Variants in ADGRL3 observed in about 807,000 individuals in gnomAD.
The protein encoded by ADGRL3 is adhesion G protein-coupled receptor L3, also known as calcium-independent alpha-latrotoxin receptor 3.
ADGRL3 carries 62 observed loss-of-function variants against 153.5 expected under a neutral mutation model. The ratio of observed to expected loss-of-function variants is 0.40; its 90% CI spans 0.33 to 0.50. The LOEUF is 0.50. ADGRL3 is among the 20% of genes least tolerant of loss of function. ADGRL3 has a pLI of 0.47. For missense variants in ADGRL3, 1,641 were observed against 1,859.4 expected (o/e 0.88, Z 2.16); for synonymous variants, 710 against 672.5 (o/e 1.06, Z -0.86).
At chr4:61,589,860 G>C (rs1051700668) in intron 5 of ADGRL3, among the ~76,000 whole-genome samples, 2 of 152,056 alleles carry the variant, frequency 1.3e-5, no homozygotes, top group Non-Finnish European at 2.9e-5. Flanking sequence ...GAAAAATTTG[G>C]AAGTTGAATT....
At chr4:61,420,224 T>C (rs2097187936) in intron 2 of ADGRL3, 1 of 152,156 alleles carries the variant, frequency 6.6e-6, no homozygotes. Context: ...TGATATCTTT[T>C]ACATAGAGAG....
chr4:61,309,923 T>C (rs924859809), intron 1 of ADGRL3, among the ~76,000 whole-genome samples: 6 of 152,028 alleles, frequency 3.9e-5, no homozygotes, highest in Non-Finnish European at 5.9e-5. Context: ...CAAGCAACTT[T>C]ACATGTATAA....
At chr4:61,829,257 C>G (rs1326791939) in intron 9 of ADGRL3, among the ~76,000 whole-genome samples, 3 of 152,150 alleles carry the variant, frequency 2.0e-5, no homozygotes, top group African/African-American at 7.2e-5. Context: ...AATTTATGAT[C>G]AGTTGCCCTA....
chr4:62,000,498 C>T (rs2099136389), intron 21 of ADGRL3, among the ~76,000 whole-genome samples: 1 of 151,906 alleles, frequency 6.6e-6, no homozygotes, highest in African/African-American at 2.4e-5. Context: ...TTGGTAGCAT[C>T]AAGTTTTATA....
At chr4:61,698,831 A>G (rs780489583) in intron 6 of ADGRL3, among the ~76,000 whole-genome samples, 20 of 152,328 alleles carry the variant, frequency 1.3e-4, no homozygotes, top group Admixed American at 3.9e-4. Flanking sequence ...AATTATGTAA[A>G]TAGAAGACTA....
At chr4:61,480,774 C>A (rs1223672128) in intron 2 of ADGRL3, among the ~76,000 whole-genome samples, 2 of 151,352 alleles carry the variant, frequency 1.3e-5, no homozygotes, top group African/African-American at 4.9e-5. Flanking sequence ...CAGAGGGAGA[C>A]TCCTTCTCAA....
At chr4:61,918,169 G>A (rs887149492) in intron 13 of ADGRL3, among the ~76,000 whole-genome samples, 1 of 152,094 alleles carries the variant, frequency 6.6e-6, no homozygotes, top group Admixed American at 6.6e-5. Context: ...AATAAGATTT[G>A]CTAAGAGATT....
At chr4:61,698,454 A>AAACAAC (rs567818894) in intron 6 of ADGRL3, among the ~76,000 whole-genome samples, 2 of 151,770 alleles carry the variant, frequency 1.3e-5, no homozygotes, top group South Asian at 2.1e-4. Flanking sequence ...CATCTCAAAC[A>AAACAAC]AACAACAACA....
chr4:61,736,108 C>A lies in ADGRL3; in HGVS notation c.1399+2554C>A, dbSNP rs76332402. Among the ~76,000 whole-genome samples, 1,405 of 151,824 alleles carry A rather than the reference C, an allele frequency of 9.3e-3. 32 individuals are homozygous for A. Among genetic ancestry groups the A allele is most frequent in the African/African-American group, 0.032 (1,332 of 41,402 alleles). The stretch of plus-strand genomic sequence containing the variant: ...TCATATGTGTATTAGTATACATATT[C>A]ATATGGTTATTGTTATATGTTTATA... On this transcript the variant is annotated intron_variant, in intron 8 of 26. Coordinates refer to ENST00000683033, the MANE Select transcript of ADGRL3 (RefSeq NM_001387552.1).
intron 1 of ADGRL3, among the ~76,000 whole-genome samples, chr4:61,326,803 A>G (rs1395225362): frequency 6.6e-6 from 1 of 151,970 alleles, no homozygotes; most frequent in South Asian, 2.1e-4. Flanking sequence ...TGCATCTCTT[A>G]TTGACATTAA....
intron 1 of ADGRL3, among the ~76,000 whole-genome samples, chr4:61,294,952 G>A (rs1190717535): frequency 6.0e-5 from 9 of 150,486 alleles, no homozygotes; most frequent in East Asian, 2.0e-4. Flanking sequence ...CCCATTATTC[G>A]CGGTTTCACT....
intron 1 of ADGRL3, among the ~76,000 whole-genome samples, chr4:61,253,712 CAT>C (rs3066323): frequency 0.25 from 38,476 of 151,398 alleles, 5,731 homozygotes; most frequent in East Asian, 0.39. Context: ...CACACACACA[CAT>C]ATATACATAT....
At chr4:61,758,311 G>A (rs915875222) in intron 8 of ADGRL3, among the ~76,000 whole-genome samples, 2 of 152,200 alleles carry the variant, frequency 1.3e-5, no homozygotes, top group African/African-American at 4.8e-5. Flanking sequence ...TTGCCTGGGA[G>A]TCTACGTCTC....
At chr4:61,951,936 G>T (rs960484000) in intron 17 of ADGRL3, among the ~76,000 whole-genome samples, 2 of 152,062 alleles carry the variant, frequency 1.3e-5, no homozygotes, top group Non-Finnish European at 1.5e-5. Context: ...CCTGGTAAAG[G>T]GTGTCTAGGG....
At chr4:61,399,104 A>G (rs2096901084) in intron 2 of ADGRL3, among the ~76,000 whole-genome samples, 1 of 151,764 alleles carries the variant, frequency 6.6e-6, no homozygotes, top group South Asian at 2.1e-4. Context: ...TAGAAAGCAT[A>G]TGGAAATGGA....
chr4:61,364,247 C>T (rs1368066959), intron 1 of ADGRL3, among the ~76,000 whole-genome samples: 3 of 151,028 alleles, frequency 2.0e-5, no homozygotes, highest in East Asian at 1.9e-4. Context: ...GCAGGGGAAT[C>T]GCTTGAACCT....
Position 62,044,565 on chromosome 4 carries a change from T to G in ADGRL3, c.3814+16T>G. 1 of 1,495,492 alleles carries G rather than the reference T, an allele frequency of 6.7e-7. No homozygotes were observed. Among genetic ancestry groups the G allele is most frequent in the Non-Finnish European group, 9.1e-7 (1 of 1,096,608 alleles). 92.6% of individuals were successfully genotyped at this position (1,495,492 alleles called of 1,614,324 possible). On this transcript the variant is annotated intron_variant, in intron 25 of 26. Transcript: ENST00000683033. ...CTCAACAGAGGTAATTAGAAATAAT[T>G]TTTCATATTTATTACTTTTCTGATT... is the stretch of plus-strand genomic sequence containing the variant.
At chr4:61,879,579 G>T (rs2098497317) in intron 9 of ADGRL3, among the ~76,000 whole-genome samples, 1 of 152,062 alleles carries the variant, frequency 6.6e-6, no homozygotes. Flanking sequence ...TTTGGATTTT[G>T]TAGCATTTCC....
intron 2 of ADGRL3, among the ~76,000 whole-genome samples, chr4:61,496,760 T>C (rs2098323315): frequency 6.6e-6 from 1 of 151,848 alleles, no homozygotes; most frequent in African/African-American, 2.4e-5. Context: ...GCTAACACGG[T>C]GAAACCCCAT....
Sources: allele counts gnomAD v4.1 joint callset (sites outside exome capture counted in the v4.1 genomes callset), GRCh38; gene constraint gnomAD v4.1.1; transcripts MANE v1.5; gene names NCBI Gene and HGNC (gene_info 2026-07-23, HGNC 2026-07-21).